ATOSA: variants seen among roughly 807,000 people sequenced by gnomAD.
ATOSA encodes atos homolog protein A.
At chr15:52,701,381 A>G in the ATOSA span, among the ~76,000 whole-genome samples, 2 of 152,142 alleles carry the variant, frequency 1.3e-5, no homozygotes, top group South Asian at 2.1e-4. Flanking sequence ...TGAGGTTGCA[A>G]TGAGCCATAA....
chr15:52,661,949 A>AT, the ATOSA span, among the ~76,000 whole-genome samples: 8 of 151,474 alleles, frequency 5.3e-5, no homozygotes. Flanking sequence ...AAAAAAAAAA[A>AT]AAACAGCAAA....
At chr15:52,581,562 CAATAT>C in the ATOSA span, 2 of 152,394 alleles carry the variant, frequency 1.3e-5, no homozygotes, top group African/African-American at 4.8e-5. Context: ...ACTGCTAATA[CAATAT>C]GTTAAAGGAC....
chr15:52,672,242 T>C, the ATOSA span, among the ~76,000 whole-genome samples: 24 of 146,086 alleles, frequency 1.6e-4, no homozygotes, highest in Non-Finnish European at 3.2e-4. Context: ...CCAGCTACTC[T>C]GGAAGCTTAA....
At chr15:52,620,781 C>T in the ATOSA span, among the ~76,000 whole-genome samples, 9 of 151,856 alleles carry the variant, frequency 5.9e-5, no homozygotes, top group East Asian at 1.7e-3. Context: ...AACCTCATCT[C>T]TACAAAAATT....
chr15:52,692,984 A>G, the ATOSA span, among the ~76,000 whole-genome samples: 3 of 152,146 alleles, frequency 2.0e-5, no homozygotes, highest in African/African-American at 4.8e-5. Context: ...ACCAAACCTT[A>G]TAGTAAGCAT....
the ATOSA span, among the ~76,000 whole-genome samples, chr15:52,643,638 G>A: frequency 2.6e-4 from 39 of 150,264 alleles, no homozygotes; most frequent in African/African-American, 5.2e-4. Context: ...TATTTTAGCC[G>A]GGCGCAGTGG....
the ATOSA span, among the ~76,000 whole-genome samples, chr15:52,682,791 T>G: frequency 6.6e-6 from 1 of 152,366 alleles, no homozygotes; most frequent in African/African-American, 2.4e-5. Context: ...TGAAACAAGA[T>G]GAAATGCAAG....
the ATOSA span, among the ~76,000 whole-genome samples, chr15:52,606,701 GT>G: frequency 6.6e-6 from 1 of 152,180 alleles, no homozygotes; most frequent in South Asian, 2.1e-4. Flanking sequence ...GCCAGTGTAG[GT>G]TTTTGTGACA....
At chr15:52,678,316 T>C in the ATOSA span, 58 of 580,570 alleles carry the variant, frequency 1.0e-4, no homozygotes, top group Non-Finnish European at 1.8e-5. Context: ...CCTGCCTCTG[T>C]GCTCTCCAGG....
chr15:52,634,534 G>A, the ATOSA span, among the ~76,000 whole-genome samples: 2 of 151,072 alleles, frequency 1.3e-5, no homozygotes, highest in African/African-American at 2.4e-5. Flanking sequence ...GACGTTGTGA[G>A]ATTAGATTTT....
the ATOSA span, among the ~76,000 whole-genome samples, chr15:52,700,380 A>G: frequency 6.6e-6 from 1 of 152,028 alleles, no homozygotes; most frequent in African/African-American, 2.4e-5. Context: ...GTATCTAAGT[A>G]TTGGCTTCAG....
the ATOSA span, chr15:52,605,109 T>C: frequency 2.3e-5 from 34 of 1,487,460 alleles, no homozygotes; most frequent in African/African-American, 3.2e-4. Context: ...GTTCTAAGCA[T>C]GAGATAAGAA....
At chr15:52,605,277 A>G in the ATOSA span, 1 of 1,459,018 alleles carries the variant, frequency 6.9e-7, no homozygotes, top group Admixed American at 2.1e-5. Flanking sequence ...TGTTAATTGT[A>G]ATATTTAAAT....
At chr15:52,677,658 C>T in the ATOSA span, among the ~76,000 whole-genome samples, 1 of 152,168 alleles carries the variant, frequency 6.6e-6, no homozygotes, top group African/African-American at 2.4e-5. Context: ...AGCTTATGAA[C>T]TTCTTGAAAG....
chr15:52,699,013 G>A, the ATOSA span, among the ~76,000 whole-genome samples: 2 of 152,154 alleles, frequency 1.3e-5, no homozygotes, highest in Admixed American at 6.5e-5. Flanking sequence ...AAAAAAGAAA[G>A]TTATTACTGG....
At chr15:52,649,053 A>C in the ATOSA span, among the ~76,000 whole-genome samples, 1 of 152,170 alleles carries the variant, frequency 6.6e-6, no homozygotes, top group African/African-American at 2.4e-5. Context: ...TACATTTTTA[A>C]AACTTAGGTC....
the ATOSA span, among the ~76,000 whole-genome samples, chr15:52,614,208 C>T: frequency 5.3e-5 from 8 of 152,046 alleles, no homozygotes; most frequent in South Asian, 2.1e-4. Flanking sequence ...TGGGTTCAAG[C>T]GATTCTCCTG....
chr15:52,608,786 T>G, the ATOSA span: 1 of 1,603,990 alleles, frequency 6.2e-7, no homozygotes, highest in Non-Finnish European at 8.5e-7. Flanking sequence ...GTCTTAGGCC[T>G]TTTTGAGTCT....
At chr15:52,656,274 T>C in the ATOSA span, 2 of 152,100 alleles carry the variant, frequency 1.3e-5, no homozygotes, top group African/African-American at 4.8e-5. Flanking sequence ...ATTAAACCAG[T>C]TTTTATTAAA....
Sources: gnomAD v4.1 joint callset for allele counts (sites outside exome capture counted in the v4.1 genomes callset) on GRCh38, gnomAD v4.1.1 for gene constraint, MANE v1.5 for transcripts, NCBI Gene and HGNC (gene_info 2026-07-23, HGNC 2026-07-21) for gene names.